The following ACACB variants were observed in gnomAD, a reference collection of about 807,000 sequenced individuals.
ACACB encodes the protein acetyl-CoA carboxylase beta, also known as acetyl-CoA carboxylase 2.
In ACACB, 209 loss-of-function variants were observed where a neutral mutation model predicts 278.8. That is an observed-to-expected ratio of 0.75 (90% CI 0.67 to 0.84). ACACB has a LOEUF of 0.84. ACACB is among the 40% of genes least tolerant of loss of function. ACACB has a pLI of 0.00. For synonymous variants in ACACB, 1,174 were observed against 1,285.6 expected, an observed-to-expected ratio of 0.91 and a Z score of 1.86; for missense variants, 2,850 against 3,269.0, an observed-to-expected ratio of 0.87 and a Z score of 3.13.
In ACACB at chr12:109,183,798, T is replaced by TCTTC. The variant is rs1378325148; in HGVS notation, c.1819-1768_1819-1765dup. Among the ~76,000 whole-genome samples, 5 of 152,272 alleles carry TCTTC rather than the reference T, an allele frequency of 3.3e-5. No individual in the cohort carries two copies. In the East Asian group the frequency reaches 7.7e-4, roughly 24 times the overall value. On this transcript the variant is annotated intron_variant, in intron 11 of 52. Coordinates refer to ENST00000338432, the MANE Select transcript of ACACB (RefSeq NM_001093.4). Reference sequence around the variant, plus strand: ...CTTCTCTAAATTGTTTTCATTGTTTTCTTCCTTCCTTCCTTCTTTCTTCCC... The same window carrying TCTTC: ...CTTCTCTAAATTGTTTTCATTGTTTTCTTCCTTCCTTCCTTCCTTCTTTCTTCCC...
chr12:109,227,365 T>G lies in ACACB; in HGVS notation c.3883-6T>G, dbSNP rs758459311. 6.2e-7 allele frequency: 1 copy of G among 1,608,878 alleles called. No individual in the cohort carries two copies. Among genetic ancestry groups the G allele is most frequent in the Non-Finnish European group, 8.5e-7 (1 of 1,177,534 alleles). The stretch of plus-strand genomic sequence containing the variant: ...AGAGAATGTCCGTGTGTTTCTGCCT[T>G]GTCAGGTTTACGTGCGGAGGGGCTA... On this transcript the variant is annotated splice_region_variant and splice_polypyrimidine_tract_variant and intron_variant, in intron 27 of 52. Transcript: ENST00000338432.
At chr12:109,122,204 G>A (rs75474878) in intron 1 of ACACB, among the ~76,000 whole-genome samples, 4 of 152,140 alleles carry the variant, frequency 2.6e-5, no homozygotes, top group East Asian at 1.9e-4. Flanking sequence ...CTTACTACCC[G>A]GGTGAGTGAC....
At chr12:109,242,618 A>G in intron 37 of ACACB, 26 bp downstream of exon 37, 1 of 1,612,744 alleles carries the variant, frequency 6.2e-7, no homozygotes, top group Non-Finnish European at 8.5e-7. Context: ...CAGACGCGGT[A>G]CCCCCTGGGT....
chr12:109,210,527 ATG>A (rs1229709364), intron 21 of ACACB, among the ~76,000 whole-genome samples: 4 of 148,772 alleles, frequency 2.7e-5, no homozygotes, highest in African/African-American at 4.9e-5. Flanking sequence ...ACATGTGTAT[ATG>A]TGTATATATA....
At chr12:109,206,999 C>A (rs2045539069) in intron 20 of ACACB, 143 bp downstream of exon 20, 1 of 1,059,610 alleles carries the variant, frequency 9.4e-7, no homozygotes, top group Non-Finnish European at 1.3e-6. Context: ...TTTATTTTTT[C>A]AGACAAGGTC....
intron 1 of ACACB, among the ~76,000 whole-genome samples, chr12:109,134,480 T>C (rs1325953116): frequency 1.3e-5 from 2 of 152,208 alleles, no homozygotes; most frequent in East Asian, 3.8e-4. Flanking sequence ...TTTTGCAACA[T>C]TTTTGGCAAT....
intron 1 of ACACB, among the ~76,000 whole-genome samples, chr12:109,138,548 G>C (rs889282869): frequency 2.0e-5 from 3 of 147,116 alleles, no homozygotes; most frequent in African/African-American, 7.6e-5. Context: ...CATTTATAAA[G>C]TGGAATATAA....
At chr12:109,227,517 GC>G (rs1565947093) in intron 28 of ACACB, 28 bp downstream of exon 28, 2 of 1,602,392 alleles carry the variant, frequency 1.2e-6, no homozygotes, top group East Asian at 4.5e-5. Flanking sequence ...CCCAGGGACG[GC>G]CTGTGTTTCT....
At chr12:109,192,230 A>G (rs1190270222) in intron 15 of ACACB, among the ~76,000 whole-genome samples, 1 of 152,180 alleles carries the variant, frequency 6.6e-6, no homozygotes, top group African/African-American at 2.4e-5. Flanking sequence ...CATAATAGTC[A>G]GGAGTTCTGA....
Position 109,239,910 on chromosome 12 carries a change from T to A in ACACB, c.4743T>A (p.Asn1581Lys). The change falls in exon 35 of 53, where the codon AAT becomes AAA. Residue 1581 changes from asparagine (N) to lysine (K), a missense_variant. By Grantham distance (94) the Asn-to-Lys change is moderately conservative. This residue lies in a region of ACACB where 2,265 missense variants were observed against 2,561.3 expected (regional missense o/e 0.88). Coordinates refer to ENST00000338432, the MANE Select transcript of ACACB (RefSeq NM_001093.4). ...EAMDELEVAF[N>K]NTSVRTDCNH... Reference sequence around the variant, plus strand: ...TGGACGAGCTGGAGGTGGCGTTCAATAACACCAGCGTGCGCACCGACTGCA... The same window carrying A: ...TGGACGAGCTGGAGGTGGCGTTCAAAAACACCAGCGTGCGCACCGACTGCA... 1 of 1,614,162 alleles carries A rather than the reference T, an allele frequency of 6.2e-7. No individual in the cohort carries two copies. Among genetic ancestry groups the A allele is most frequent in the Non-Finnish European group, 8.5e-7 (1 of 1,180,030 alleles).
chr12:109,259,390 A>G lies in ACACB; in HGVS notation c.6496+282A>G, dbSNP rs113425700. Among the ~76,000 whole-genome samples the G allele has an allele frequency of 5.5e-3, 833 of 152,184 alleles. 8 individuals carry two copies. The highest frequency in any genetic ancestry group is 0.019 in the African/African-American group (809 of 41,538). ...GAGTTTGAGACCAGCCTGGGGCAGT[A>G]TAGCAAGACCCTGTCTCTACAAAAA... is the stretch of plus-strand genomic sequence containing the variant. On this transcript the variant is annotated intron_variant, in intron 47 of 52. Transcript: ENST00000338432.
At chr12:109,176,377 T>C in intron 9 of ACACB, 114 bp downstream of exon 9, 2 of 952,544 alleles carry the variant, frequency 2.1e-6, no homozygotes, top group Non-Finnish European at 3.3e-6. Context: ...TTGTAGGAGC[T>C]GGATGTATCG....
At chr12:109,209,110 G>A (rs571776732) in intron 20 of ACACB, 55 bp from the exon 21 acceptor site, 102 of 1,515,180 alleles carry the variant, frequency 6.7e-5, no homozygotes, top group African/African-American at 3.0e-4. Context: ...TGTTTGGGGC[G>A]GTGGTGCCCA....
chr12:109,197,860 A>C (rs146088601), intron 17 of ACACB, among the ~76,000 whole-genome samples: 52 of 152,260 alleles, frequency 3.4e-4, no homozygotes, highest in African/African-American at 1.0e-3. Flanking sequence ...TGGAAGAAGG[A>C]AGACTAGGTT....
chr12:109,159,425 G>A (rs2043650346), intron 2 of ACACB, among the ~76,000 whole-genome samples: 1 of 152,232 alleles, frequency 6.6e-6, no homozygotes, highest in South Asian at 2.1e-4. Context: ...CTATCCTGCA[G>A]ACGTACATGG....
At chr12:109,205,492 C>T (rs1482192979) in intron 19 of ACACB, among the ~76,000 whole-genome samples, 1 of 151,994 alleles carries the variant, frequency 6.6e-6, no homozygotes. Context: ...CTCCATTACC[C>T]AGGCTGGAGT....
intron 1 of ACACB, among the ~76,000 whole-genome samples, chr12:109,129,688 T>C (rs1428399189): frequency 6.6e-6 from 1 of 152,222 alleles, no homozygotes; most frequent in Non-Finnish European, 1.5e-5. Context: ...TGCCTGCCCC[T>C]GCAGGGCACC....
Position 109,230,207 on chromosome 12 carries a change from T to G in ACACB, c.4002-2462T>G, listed in dbSNP as rs186951362. Among the ~76,000 whole-genome samples the G allele has an allele frequency of 1.4e-3, 214 of 152,318 alleles. 1 individual carries two copies. Among genetic ancestry groups the G allele is most frequent in the African/African-American group, 4.9e-3 (205 of 41,576 alleles). On this transcript the variant is annotated intron_variant, in intron 28 of 52. Transcript: ENST00000338432. ...TTAAGAAGAAAGATGCTGCTATGTT[T>G]TGGATGAAGAAAAGGGGGCTTCCCC...
chr12:109,235,287 C>T (rs1472393849), intron 31 of ACACB, 26 bp from the exon 32 acceptor site: 1 of 1,603,400 alleles, frequency 6.2e-7, no homozygotes, highest in Non-Finnish European at 8.5e-7. Flanking sequence ...AATAATATTC[C>T]ATTGTGTCTT....
Sources: gnomAD v4.1 joint callset for allele counts (sites outside exome capture counted in the v4.1 genomes callset) on GRCh38, gnomAD v4.1.1 for gene constraint, gnomAD v4.1.1 regional missense constraint, MANE v1.5 for transcripts, NCBI Gene and HGNC (gene_info 2026-07-23, HGNC 2026-07-21) for gene names.